Variants in NTM observed in about 807,000 individuals in gnomAD.
NTM encodes IgLON family member 2.
In NTM, 13 loss-of-function variants were observed where a neutral mutation model predicts 42.1. The observed-to-expected ratio is 0.31, with a 90% CI of 0.20 to 0.49. The LOEUF is 0.49. Ranked by LOEUF, NTM falls within the 20% of genes least tolerant of loss-of-function variation. The pLI, the probability that NTM is intolerant of heterozygous loss-of-function variation, is 0.99. For missense variants in NTM, 373 were observed against 452.8 expected (o/e 0.82, Z 1.60); for synonymous variants, 187 against 179.2 (o/e 1.04, Z -0.35).
At chr11:131,582,468 T>TAGTTAAACTATGCTTTGG (rs2058492998) in intron 1 of NTM, 1 of 152,182 alleles carries the variant, frequency 6.6e-6, no homozygotes, top group Non-Finnish European at 1.5e-5. Context: ...GTTAACTTAG[T>TAGTTAAACTATGCTTTGG]AGTTAAACTA....
chr11:131,702,480 G>A (rs1220339842), intron 1 of NTM, among the ~76,000 whole-genome samples: 3 of 152,092 alleles, frequency 2.0e-5, no homozygotes, highest in Admixed American at 6.5e-5. Flanking sequence ...GTCACACAAC[G>A]AGCAGGTGGT....
chr11:131,764,582 C>T (rs1019074410), intron 1 of NTM, among the ~76,000 whole-genome samples: 1 of 152,144 alleles, frequency 6.6e-6, no homozygotes, highest in African/African-American at 2.4e-5. Context: ...AATTACCTAA[C>T]CTCTGTGGAC....
intron 1 of NTM, among the ~76,000 whole-genome samples, chr11:131,598,563 C>T (rs1336153970): frequency 6.6e-6 from 1 of 152,140 alleles, no homozygotes; most frequent in Non-Finnish European, 1.5e-5. Flanking sequence ...CTCCCCCCTC[C>T]ATTAGTCACT....
At chr11:132,157,497 G>T (rs1432135965) in intron 3 of NTM, among the ~76,000 whole-genome samples, 1 of 152,164 alleles carries the variant, frequency 6.6e-6, no homozygotes, top group Non-Finnish European at 1.5e-5. Flanking sequence ...GGGCCCTAGG[G>T]TATGGAAGCA....
At chr11:132,290,330 C>T (rs2094414672) in intron 4 of NTM, among the ~76,000 whole-genome samples, 1 of 151,938 alleles carries the variant, frequency 6.6e-6, no homozygotes, top group Non-Finnish European at 1.5e-5. Context: ...CTCCCACTGC[C>T]CTGCCCTTGG....
chr11:132,025,656 G>A (rs1314282255), intron 2 of NTM, among the ~76,000 whole-genome samples: 1 of 152,148 alleles, frequency 6.6e-6, no homozygotes, highest in African/African-American at 2.4e-5. Flanking sequence ...GGGAGCTTTG[G>A]AATGTTCTGA....
intron 1 of NTM, among the ~76,000 whole-genome samples, chr11:131,397,863 A>G (rs1213052877): frequency 2.0e-5 from 3 of 152,210 alleles, no homozygotes; most frequent in Non-Finnish European, 2.9e-5. Context: ...GTCTAAGTAG[A>G]CACCAGTCCC....
At position 131,899,950 on chromosome 11, in the gene NTM, G is replaced by A. The variant is rs1302132287; in HGVS notation, c.83-11614G>A. Among the ~76,000 whole-genome samples, 3 of 152,160 alleles carry A rather than the reference G, an allele frequency of 2.0e-5. No individual in the cohort carries two copies. The South Asian group carries it at 6.2e-4, about 32-fold the overall frequency. On this transcript the variant is annotated intron_variant, in intron 1 of 8. Transcript: ENST00000683400. ...TTTTGAATTTTCCTCAGCTGTGCTG[G>A]TCACTTAAATACAACAAATATTTAT...
chr11:131,559,513 C>T (rs968970550), intron 1 of NTM, among the ~76,000 whole-genome samples: 2 of 152,136 alleles, frequency 1.3e-5, no homozygotes, highest in South Asian at 2.1e-4. Flanking sequence ...AGATAAAATT[C>T]CTGACCCTTA....
chr11:131,883,317 T>C (rs957476044), intron 1 of NTM, among the ~76,000 whole-genome samples: 2 of 152,220 alleles, frequency 1.3e-5, no homozygotes, highest in Non-Finnish European at 2.9e-5. Context: ...GACGGGGAAC[T>C]GGTGGGCTTC....
chr11:131,906,088 G>C (rs958152378), intron 1 of NTM, among the ~76,000 whole-genome samples: 2 of 152,088 alleles, frequency 1.3e-5, no homozygotes, highest in Non-Finnish European at 2.9e-5. Flanking sequence ...TCAAGGGCAG[G>C]GGCATGTCTT....
intron 2 of NTM, among the ~76,000 whole-genome samples, chr11:131,944,047 T>C (rs2060087108): frequency 6.6e-6 from 1 of 152,200 alleles, no homozygotes; most frequent in Non-Finnish European, 1.5e-5. Context: ...CATAAACTTT[T>C]CTGAAACATT....
At position 131,817,966 on chromosome 11, in the gene NTM, T is replaced by A. The variant is rs139843642; in HGVS notation, c.83-93598T>A. Among the ~76,000 whole-genome samples the A allele has an allele frequency of 1.4e-3, 216 of 152,342 alleles. 1 individual carries two copies. Among genetic ancestry groups the A allele is most frequent in the Middle Eastern group, 6.8e-3 (2 of 294 alleles). On this transcript the variant is annotated intron_variant, in intron 1 of 8. Transcript: ENST00000683400. The stretch of plus-strand genomic sequence containing the variant: ...AAATAAGTGTCAGTCCCATTGACTG[T>A]GCTTTATTCCAAACAGATTTTTCAC...
chr11:131,953,311 A>G (rs1461041774), intron 2 of NTM, among the ~76,000 whole-genome samples: 1 of 152,126 alleles, frequency 6.6e-6, no homozygotes, highest in Non-Finnish European at 1.5e-5. Context: ...TCTTAGGACT[A>G]AAATTGAGAT....
At chr11:131,399,784 G>T (rs1413450024) in intron 1 of NTM, among the ~76,000 whole-genome samples, 2 of 152,146 alleles carry the variant, frequency 1.3e-5, no homozygotes, top group Non-Finnish European at 2.9e-5. Flanking sequence ...CTCTGCACCT[G>T]ACTGGCTGGC....
At chr11:131,736,080 G>A (rs915098133) in intron 1 of NTM, among the ~76,000 whole-genome samples, 1 of 151,962 alleles carries the variant, frequency 6.6e-6, no homozygotes, top group African/African-American at 2.4e-5. Flanking sequence ...TGATCCTCCC[G>A]TCTCAGTTTC....
chr11:131,871,964 G>C (rs545062060), intron 1 of NTM, among the ~76,000 whole-genome samples: 5 of 152,028 alleles, frequency 3.3e-5, no homozygotes, highest in Admixed American at 1.3e-4. Flanking sequence ...TATCTTCAAG[G>C]GATTTCCAAG....
intron 2 of NTM, among the ~76,000 whole-genome samples, chr11:131,948,384 A>AAAAACAAAAAAACAAAAAAAAG (rs1555188995): frequency 1.6e-4 from 23 of 147,514 alleles, no homozygotes; most frequent in African/African-American, 5.1e-4. Context: ...AAAAAAACAA[A>AAAAACAAAAAAACAAAAAAAAG]AAAACAAAAA....
chr11:131,857,413 T>C (rs570620464), intron 1 of NTM, among the ~76,000 whole-genome samples: 1 of 152,236 alleles, frequency 6.6e-6, no homozygotes, highest in South Asian at 2.1e-4. Context: ...GTTCCAGACA[T>C]CTCTCCAGCT....
Sources: allele counts gnomAD v4.1 joint callset (sites outside exome capture counted in the v4.1 genomes callset), GRCh38; gene constraint gnomAD v4.1.1; transcripts MANE v1.5; gene names NCBI Gene and HGNC (gene_info 2026-07-23, HGNC 2026-07-21).